The following ZNF395 variants were observed in gnomAD, a reference collection of about 807,000 sequenced individuals.
ZNF395 encodes zinc finger protein 395.
Under a neutral mutation model 57.7 loss-of-function variants are expected in ZNF395, and 20 were observed. The ratio of observed to expected loss-of-function variants is 0.35; its 90% CI spans 0.24 to 0.50. The LOEUF is 0.50. Among genes scored for constraint, ZNF395 ranks in the 20% least tolerant of loss-of-function variants. The pLI is 0.97. For synonymous variants in ZNF395, 295 were observed against 275.9 expected (o/e 1.07, Z -0.69); for missense variants, 606 against 671.2 (o/e 0.90, Z 1.07).
chr8:28,353,810 G>C (rs1293693111), intron 4 of ZNF395, among the ~76,000 whole-genome samples: 4 of 152,118 alleles, frequency 2.6e-5, no homozygotes, highest in African/African-American at 9.7e-5. Context: ...GGAGGGGGAA[G>C]GGCAAAGCCT....
chr8:28,377,245 A>T (rs529802165), intron 1 of ZNF395, among the ~76,000 whole-genome samples: 56 of 151,720 alleles, frequency 3.7e-4, no homozygotes, highest in African/African-American at 1.3e-3. Context: ...GCAAAAATTT[A>T]AAAAAAATTT....
intron 1 of ZNF395, among the ~76,000 whole-genome samples, chr8:28,382,445 C>G (rs1802120839): frequency 6.6e-6 from 1 of 152,126 alleles, no homozygotes; most frequent in South Asian, 2.1e-4. Flanking sequence ...CTCACACAAT[C>G]ATAGACTTTA....
At chr8:28,374,489 A>G (rs2129985982) in intron 1 of ZNF395, among the ~76,000 whole-genome samples, 1 of 152,330 alleles carries the variant, frequency 6.6e-6, no homozygotes, top group South Asian at 2.1e-4. Context: ...TTTAAAAAGA[A>G]AAGAAACAGT....
At chr8:28,379,407 G>A (rs929102875) in intron 1 of ZNF395, among the ~76,000 whole-genome samples, 9 of 152,132 alleles carry the variant, frequency 5.9e-5, no homozygotes, top group African/African-American at 1.9e-4. Flanking sequence ...GCCCATGTGC[G>A]TAGACCCAGC....
chr8:28,351,836 A>G (rs1321065267), intron 6 of ZNF395, 29 bp from the exon 7 acceptor site: 4 of 1,521,200 alleles, frequency 2.6e-6, no homozygotes, highest in Admixed American at 2.0e-5. Flanking sequence ...CGGTATAATC[A>G]GGGGCACCCT....
intron 2 of ZNF395, among the ~76,000 whole-genome samples, chr8:28,360,250 C>G (rs985293745): frequency 6.6e-6 from 1 of 152,230 alleles, no homozygotes; most frequent in South Asian, 2.1e-4. Flanking sequence ...GCCAACCTCT[C>G]AACAGGGGGA....
intron 3 of ZNF395, among the ~76,000 whole-genome samples, chr8:28,358,151 C>CTTTTTT (rs746800075): frequency 2.7e-4 from 27 of 101,112 alleles, no homozygotes; most frequent in Non-Finnish European, 3.8e-4. Flanking sequence ...TCTTTTTTTT[C>CTTTTTT]TTTTTTTTTT....
intron 8 of ZNF395, among the ~76,000 whole-genome samples, chr8:28,349,648 C>T (rs114507253): frequency 2.4e-4 from 36 of 152,342 alleles, no homozygotes; most frequent in African/African-American, 8.2e-4. Context: ...GTTGGGGGTC[C>T]ACCTATGGCC....
At chr8:28,369,659 T>C (rs941057271) in intron 1 of ZNF395, among the ~76,000 whole-genome samples, 1 of 152,208 alleles carries the variant, frequency 6.6e-6, no homozygotes, top group Admixed American at 6.5e-5. Context: ...AATCTCAGCC[T>C]TGGGGCCCTG....
In ZNF395 at chr8:28,359,934, T is replaced by G; in HGVS notation, c.241-110A>C. Reference sequence around the variant, plus strand: ...AGGATCTGCCTGCCACAAACCATGTTCTCTGCCTCACTCATCTTTTATTCA... The same window carrying G: ...AGGATCTGCCTGCCACAAACCATGTGCTCTGCCTCACTCATCTTTTATTCA... On this transcript the variant is annotated intron_variant, in intron 2 of 9. Transcript: ENST00000344423. The surrounding 1 kb of genome is among the most constrained non-coding windows in gnomAD (Gnocchi z 4.7). 1.4e-6 allele frequency: 2 copies of G among 1,463,762 alleles called. No homozygotes were observed. The highest frequency in any genetic ancestry group is 9.1e-7 in the Non-Finnish European group (1 of 1,099,326). 90.7% of individuals were successfully genotyped at this position (1,463,762 alleles called of 1,614,324 possible). A position where few individuals can be genotyped will look rare whatever the true frequency, so the allele number is the denominator to read the frequency against.
chr8:28,380,801 C>T (rs1475228423), intron 1 of ZNF395, among the ~76,000 whole-genome samples: 2 of 152,198 alleles, frequency 1.3e-5, no homozygotes, highest in Non-Finnish European at 2.9e-5. Context: ...CCGATAGCCA[C>T]ACATTGTTAA....
In ZNF395 at chr8:28,352,536, C is replaced by G. The variant is rs561682089; in HGVS notation, c.920+37G>C. ...TCGGCAGGGTGGAGGGACACCCACA[C>G]GCGACCCTAGGCTAGAGGCCCTGGG... On this transcript the variant is annotated intron_variant, in intron 6 of 9. Transcript: ENST00000344423. This position sits in a 1 kb window ranked among gnomAD's most constrained non-coding sequence, Gnocchi z 4.0. 3 of 1,583,628 alleles carry G rather than the reference C, an allele frequency of 1.9e-6. No homozygotes were observed. The highest frequency in any genetic ancestry group is 1.7e-5 in the Admixed American group (1 of 59,856).
Position 28,352,809 on chromosome 8 carries a change from G to T in ZNF395, c.820-136C>A. 2 of 694,796 alleles carry T rather than the reference G, an allele frequency of 2.9e-6. No homozygotes were observed. The highest frequency in any genetic ancestry group is 4.8e-6 in the Non-Finnish European group (2 of 413,330). The allele number at this position is 694,796 out of a possible 1,614,324, so 43.0% of individuals were successfully genotyped here. A position where few individuals can be genotyped will look rare whatever the true frequency, so the allele number is the denominator to read the frequency against. ...AACCTCCAGGAAAGGGGTTCTCTGG[G>T]ACCAGAGAAACTTACAACCAGGGGC... On this transcript the variant is annotated intron_variant, in intron 5 of 9. Coordinates refer to ENST00000344423, the MANE Select transcript of ZNF395 (RefSeq NM_018660.3). The surrounding 1 kb of genome is among the most constrained non-coding windows in gnomAD (Gnocchi z 4.0).
At chr8:28,376,674 T>C (rs1202007973) in intron 1 of ZNF395, among the ~76,000 whole-genome samples, 1 of 151,788 alleles carries the variant, frequency 6.6e-6, no homozygotes. Context: ...CCACTATATG[T>C]AGCCCAGGGA....
At chr8:28,383,713 C>T (rs540592924) in intron 1 of ZNF395, among the ~76,000 whole-genome samples, 1 of 152,190 alleles carries the variant, frequency 6.6e-6, no homozygotes, top group African/African-American at 2.4e-5. Context: ...TCCGCTGCCC[C>T]CCTATTACCA....
At position 28,347,742 on chromosome 8, in the gene ZNF395, C is replaced by G. The variant is rs1010135165; in HGVS notation, c.*977G>C. On this transcript the variant is annotated 3_prime_UTR_variant, in exon 10 of 10. Transcript: ENST00000344423. ...ACAGAAAGGAACCTCCAGAACCTCC[C>G]TGGGTCTCTCCCGGCCACCCAAATA... 2.8e-4 allele frequency: 42 copies of G among 152,246 alleles called. No individual in the cohort carries two copies. The highest frequency in any genetic ancestry group is 1.0e-3 in the African/African-American group (42 of 41,440). The allele number at this position is 152,246 out of a possible 1,614,324, so 9.4% of individuals were successfully genotyped here. A position where few individuals can be genotyped will look rare whatever the true frequency, so the allele number is the denominator to read the frequency against.
intron 3 of ZNF395, among the ~76,000 whole-genome samples, chr8:28,357,633 A>G (rs1206484465): frequency 6.6e-6 from 1 of 152,248 alleles, no homozygotes; most frequent in Non-Finnish European, 1.5e-5. Context: ...CTAAACCAAG[A>G]CTATTAAAAC....
At position 28,352,336 on chromosome 8, in the gene ZNF395, T is replaced by C. The variant is rs1452323196; in HGVS notation, c.920+237A>G. Reference sequence around the variant, plus strand: ...CGTTTCTACCCAGAACTAAAACATCTTGCTTCCTGCAATGAGGCAAGAAGA... The same window carrying C: ...CGTTTCTACCCAGAACTAAAACATCCTGCTTCCTGCAATGAGGCAAGAAGA... On this transcript the variant is annotated intron_variant, in intron 6 of 9. Transcript: ENST00000344423. The surrounding 1 kb of genome is among the most constrained non-coding windows in gnomAD (Gnocchi z 4.0). Among the ~76,000 whole-genome samples, 1 of 152,148 alleles carries C rather than the reference T, an allele frequency of 6.6e-6. No homozygotes were observed. Among genetic ancestry groups the C allele is most frequent in the East Asian group, 1.9e-4 (1 of 5,198 alleles).
intron 1 of ZNF395, among the ~76,000 whole-genome samples, chr8:28,375,940 C>G (rs1411678007): frequency 6.6e-6 from 1 of 152,130 alleles, no homozygotes; most frequent in African/African-American, 2.4e-5. Flanking sequence ...ATATGGCTTC[C>G]TGATACTCAA....
Sources: gnomAD v4.1 joint callset for allele counts (sites outside exome capture counted in the v4.1 genomes callset) on GRCh38, gnomAD v4.1.1 for gene constraint, Gnocchi (gnomAD v3.1) non-coding constraint, MANE v1.5 for transcripts, NCBI Gene and HGNC (gene_info 2026-07-23, HGNC 2026-07-21) for gene names.